The following C3AR1 variants were observed in gnomAD, a reference collection of about 807,000 sequenced individuals.
C3AR1 encodes C3a anaphylatoxin chemotactic receptor.
For missense variants in C3AR1, 579 were observed against 583.5 expected (o/e 0.99, Z 0.08); for synonymous variants, 208 against 225.3 (o/e 0.92, Z 0.69).
chr12:8,064,167 A>AT (rs1455866031), intron 1 of C3AR1, among the ~76,000 whole-genome samples: 1 of 152,092 alleles, frequency 6.6e-6, no homozygotes, highest in Admixed American at 6.5e-5. Flanking sequence ...TAAAATTCTA[A>AT]TTTGTATCCA....
chr12:8,061,469 A>G (rs186522710), intron 1 of C3AR1, among the ~76,000 whole-genome samples: 297 of 151,588 alleles, frequency 2.0e-3, no homozygotes, highest in African/African-American at 6.8e-3. Flanking sequence ...TATTATTATT[A>G]TTATTATTTT....
Position 8,059,351 on chromosome 12 carries a change from C to T in C3AR1, c.835G>A (p.Glu279Lys), listed in dbSNP as rs56297048. 1.5e-5 allele frequency: 25 copies of T among 1,614,046 alleles called. No homozygotes were observed. Among genetic ancestry groups the T allele is most frequent in the East Asian group, 2.2e-5 (1 of 44,900 alleles). ...IPSGFPIEDH[E>K]TSPLDNSDAF... is the part of the protein sequence containing the mutation. ...TCAGAGTTATCCAGTGGGCTGGTTT[C>T]GTGATCTTCAATAGGAAACCCACTG... The change falls in exon 2 of 2, where the codon GAA becomes AAA. Residue 279 changes from glutamate (E) to lysine (K), a missense_variant. Physicochemically the swap from Glu to Lys is moderately conservative, Grantham distance 56. Transcript: ENST00000307637.
At chr12:8,066,141 G>A (rs1947328511) in intron 1 of C3AR1, 137 bp downstream of exon 1, 1 of 151,888 alleles carries the variant, frequency 6.6e-6, no homozygotes, top group Non-Finnish European at 1.5e-5. Flanking sequence ...AAGGAAGTTA[G>A]ACATAGAGAT....
Position 8,060,060 on chromosome 12 carries a change from C to A in C3AR1, c.126G>T (p.Gly42=), listed in dbSNP as rs754599327. The change falls in exon 2 of 2, where the codon GGG becomes GGT. Residue 42 remains glycine (G), a synonymous_variant. Transcript: ENST00000307637. ...LTFLLGLPGN[G]LVLWVAGLKM... ...TCAGGCCAGCCACCCACAGCACCAGCCCATTGCCTGGCAATCCCAGTAAAA... is the reference window on the plus strand; with the variant it reads ...TCAGGCCAGCCACCCACAGCACCAGACCATTGCCTGGCAATCCCAGTAAAA... The A allele has an allele frequency of 6.2e-7, 1 of 1,614,008 alleles. No individual in the cohort carries two copies. Among genetic ancestry groups the A allele is most frequent in the African/African-American group, 1.3e-5 (1 of 74,898 alleles).
intron 1 of C3AR1, among the ~76,000 whole-genome samples, chr12:8,060,909 C>T (rs1380861100): frequency 6.6e-6 from 1 of 152,196 alleles, no homozygotes; most frequent in Non-Finnish European, 1.5e-5. Flanking sequence ...AGGTCTCCAA[C>T]CTGAGGTCAC....
chr12:8,060,383 T>A (rs1947262767), intron 1 of C3AR1, among the ~76,000 whole-genome samples, 188 bp from the exon 2 acceptor site: 1 of 152,114 alleles, frequency 6.6e-6, no homozygotes, highest in African/African-American at 2.4e-5. Flanking sequence ...TAGACAATTA[T>A]ATTTATTTAT....
In C3AR1 at chr12:8,059,498, G is replaced by C; in HGVS notation, c.688C>G (p.Gln230Glu). 1 of 1,614,128 alleles carries C rather than the reference G, an allele frequency of 6.2e-7. No homozygotes were observed. ...GAAGGTCTTTGAAATGTTTGAGGTT[G>C]GAAGACAGTGGGGACTGTCCAAGGA... ...DHPWTVPTVF[Q>E]PQTFQRPSAD... The change falls in exon 2 of 2, where the codon CAA becomes GAA. Residue 230 changes from glutamine (Q) to glutamate (E), a missense_variant. Transcript: ENST00000307637.
rs772965450 is a variant in C3AR1 at position 8,059,471 on chromosome 12, CAGA to C, written c.712_714del (p.Ser238del). 1.2e-6 allele frequency: 2 copies of C among 1,614,118 alleles called. No individual in the cohort carries two copies. Among genetic ancestry groups the C allele is most frequent in the Non-Finnish European group, 1.7e-6 (2 of 1,180,006 alleles). On this transcript the variant is annotated inframe_deletion, in exon 2 of 2. Coordinates refer to ENST00000307637, the MANE Select transcript of C3AR1 (RefSeq NM_004054.4). ...GCAGAACCCCTAGGGAGTGAATCTG[CAGA>C]AGGTCTTTGAAATGTTTGAGGTTGG...
In C3AR1 at chr12:8,058,974, G is replaced by A. The variant is rs758530012; in HGVS notation, c.1212C>T (p.Asp404=). Residue 404 remains aspartate (D), a synonymous_variant, in exon 2 of 2, where the codon GAC becomes GAT. Coordinates refer to ENST00000307637, the MANE Select transcript of C3AR1 (RefSeq NM_004054.4). ...GAGTTTTCCCCAAGGGAGTTTCTGG[G>A]TCAGTAAGCAATGACAGGACTCCAA... The part of the protein sequence containing the change: ...HIFGVLSLLT[D]PETPLGKTLM... The A allele has an allele frequency of 6.2e-7, 1 of 1,614,186 alleles. No individual in the cohort carries two copies. The highest frequency in any genetic ancestry group is 1.1e-5 in the South Asian group (1 of 91,086).
Position 8,058,500 on chromosome 12 carries a change from T to C in C3AR1, c.*237A>G, listed in dbSNP as rs1947218662. 2.1e-6 allele frequency: 1 copy of C among 477,778 alleles called. No individual in the cohort carries two copies. The highest frequency in any genetic ancestry group is 3.7e-6 in the Non-Finnish European group (1 of 270,622). The allele number at this position is 477,778 out of a possible 1,614,324, so 29.6% of individuals were successfully genotyped here. ...ACGAGGGTTTGTTAAGTGCCCTTGC[T>C]GGGTCCCAACCCCCAGAGATTCCGA... On this transcript the variant is annotated 3_prime_UTR_variant, in exon 2 of 2. Transcript: ENST00000307637.
rs1565633896 is a variant in C3AR1, at chr12:8,057,229, ATTTTG to A, written c.*1503_*1507del. ...TGAGAAGGTGGTAGGGAGTTAGGTA[ATTTTG>A]TTTTAAATGAAAAAGGGACAGAAGG... On this transcript the variant is annotated 3_prime_UTR_variant, in exon 2 of 2. Transcript: ENST00000307637. Among the ~76,000 whole-genome samples, 1 of 152,210 alleles carries A rather than the reference ATTTTG, an allele frequency of 6.6e-6. No individual in the cohort carries two copies. The highest frequency in any genetic ancestry group is 2.4e-5 in the African/African-American group (1 of 41,452).
intron 1 of C3AR1, among the ~76,000 whole-genome samples, chr12:8,065,016 C>T (rs1228394197): frequency 6.6e-6 from 1 of 151,842 alleles, no homozygotes; most frequent in African/African-American, 2.4e-5. Flanking sequence ...GCCCAGCCTA[C>T]GTTTTCTCTG....
intron 1 of C3AR1, among the ~76,000 whole-genome samples, chr12:8,064,563 C>T (rs373185319): frequency 6.6e-6 from 1 of 151,940 alleles, no homozygotes; most frequent in Non-Finnish European, 1.5e-5. Context: ...GTGGCACATG[C>T]CTGTAATCCC....
At position 8,059,528 on chromosome 12, in the gene C3AR1, C is replaced by T. The variant is rs777233562; in HGVS notation, c.658G>A (p.Asp220Asn). The change falls in exon 2 of 2, where the codon GAT becomes AAT. Residue 220 changes from aspartate to asparagine, a missense_variant. By Grantham distance (23) the Asp-to-Asn change is conservative. Transcript: ENST00000307637. Reference protein sequence around the residue: ...RLDPSSFQTNDHPWTVPTVFQ... With the variant: ...RLDPSSFQTNNHPWTVPTVFQ... Reference sequence around the variant, plus strand: ...ACAGTGGGGACTGTCCAAGGATGATCATTTGTTTGGAAAGAGGAAGGATCT... The same window carrying T: ...ACAGTGGGGACTGTCCAAGGATGATTATTTGTTTGGAAAGAGGAAGGATCT... The T allele has an allele frequency of 3.7e-6, 6 of 1,614,050 alleles. No homozygotes were observed. The highest frequency in any genetic ancestry group is 2.7e-5 in the African/African-American group (2 of 74,920).
rs146982786 is a variant in C3AR1 at position 8,066,055 on chromosome 12, G to A, written c.-11+223C>T. Reference sequence around the variant, plus strand: ...GCCAATTCAAAGAAAGGAAAGAAATGATGTAAAAATTCACTATTAATTCCA... The same window carrying A: ...GCCAATTCAAAGAAAGGAAAGAAATAATGTAAAAATTCACTATTAATTCCA... On this transcript the variant is annotated intron_variant, in intron 1 of 1. Transcript: ENST00000307637. Among the ~76,000 whole-genome samples, 11 of 150,584 alleles carry A rather than the reference G, an allele frequency of 7.3e-5. No individual in the cohort carries two copies. The East Asian group carries it at 1.7e-3, about 24-fold the overall frequency.
At position 8,058,858 on chromosome 12, in the gene C3AR1, C is replaced by T. The variant is rs1294406647; in HGVS notation, c.1328G>A (p.Arg443Lys). ...CTGAATGGACTGCCTTGCTTTCTTC[C>T]TAAAATCTTTCCCCAAGAGGGCATA... ...FLYALLGKDF[R>K]KKARQSIQGI... The change falls in exon 2 of 2, where the codon AGG becomes AAG. Residue 443 changes from arginine to lysine, a missense_variant. By Grantham distance (26) the Arg-to-Lys change is conservative. Coordinates refer to ENST00000307637, the MANE Select transcript of C3AR1 (RefSeq NM_004054.4). 6.2e-7 allele frequency: 1 copy of T among 1,614,184 alleles called. No individual in the cohort carries two copies. The highest frequency in any genetic ancestry group is 8.5e-7 in the Non-Finnish European group (1 of 1,180,026).
chr12:8,059,578 G>A lies in C3AR1; in HGVS notation c.608C>T (p.Pro203Leu), dbSNP rs774095490. 9.3e-6 allele frequency: 15 copies of A among 1,614,036 alleles called. No individual in the cohort carries two copies. The highest frequency in any genetic ancestry group is 4.5e-5 in the East Asian group (2 of 44,906). ...ENRSLENIVQ[P>L]PGEMNDRLDP... is the part of the protein sequence containing the mutation. The stretch of plus-strand genomic sequence containing the variant: ...TAACCTATCATTCATTTCTCCAGGC[G>A]GCTGAACAATGTTTTCAAGAGACCT... Residue 203 changes from proline to leucine, a missense_variant, in exon 2 of 2, where the codon CCG becomes CTG. Transcript: ENST00000307637.
rs1479100461 is a variant in C3AR1 at position 8,058,467 on chromosome 12, A to G, written c.*270T>C. ...TACAATGATTCTTACATTTAGCATT[A>G]ATCAGAAACGAGGGTTTGTTAAGTG... On this transcript the variant is annotated 3_prime_UTR_variant, in exon 2 of 2. Transcript: ENST00000307637. 7.8e-6 allele frequency: 3 copies of G among 382,498 alleles called. No individual in the cohort carries two copies. The highest frequency in any genetic ancestry group is 2.0e-5 in the African/African-American group (1 of 48,880). 23.7% of individuals were successfully genotyped at this position (382,498 alleles called of 1,614,324 possible).
chr12:8,059,502 G>A lies in C3AR1; in HGVS notation c.684C>T (p.Val228=), dbSNP rs1383298986. ...TNDHPWTVPT[V]FQPQTFQRPS... Reference sequence around the variant, plus strand: ...GTCTTTGAAATGTTTGAGGTTGGAAGACAGTGGGGACTGTCCAAGGATGAT... The same window carrying A: ...GTCTTTGAAATGTTTGAGGTTGGAAAACAGTGGGGACTGTCCAAGGATGAT... Residue 228 remains valine (V), a synonymous_variant, in exon 2 of 2, where the codon GTC becomes GTT. Coordinates refer to ENST00000307637, the MANE Select transcript of C3AR1 (RefSeq NM_004054.4). 1 of 1,614,192 alleles carries A rather than the reference G, an allele frequency of 6.2e-7. No homozygotes were observed. Among genetic ancestry groups the A allele is most frequent in the South Asian group, 1.1e-5 (1 of 91,088 alleles).
Sources: gnomAD v4.1 joint callset for allele counts (sites outside exome capture counted in the v4.1 genomes callset) on GRCh38, gnomAD v4.1.1 for gene constraint, MANE v1.5 for transcripts, NCBI Gene and HGNC (gene_info 2026-07-23, HGNC 2026-07-21) for gene names.